The following RABGAP1L variants were observed in gnomAD, a reference collection of about 807,000 sequenced individuals.
RABGAP1L encodes rab GTPase-activating protein 1-like.
RABGAP1L carries 63 observed loss-of-function variants against 137.7 expected under a neutral mutation model. The observed-to-expected ratio is 0.46, with a 90% confidence interval of 0.37 to 0.56. The LOEUF is 0.56. RABGAP1L is among the 20% of genes least tolerant of loss of function. The probability of loss-of-function intolerance (pLI) is 0.00; values close to 1 mark genes in which losing one functional copy is unlikely to be tolerated. For synonymous variants in RABGAP1L, 431 were observed against 433.7 expected, an observed-to-expected ratio of 0.99 and a Z score of 0.08; for missense variants, 1,095 against 1,244.0, an observed-to-expected ratio of 0.88 and a Z score of 1.80.
At position 174,385,184 on chromosome 1, in the gene RABGAP1L, G is replaced by C. The variant is rs570945136; in HGVS notation, c.1560-8811G>C. Among the ~76,000 whole-genome samples the C allele has an allele frequency of 2.2e-3, 334 of 152,310 alleles. 1 individual carries two copies. The highest frequency in any genetic ancestry group is 4.2e-3 in the Non-Finnish European group (283 of 68,020). ...AGATAATTACATGTTGCACTAGGCT[G>C]GTAGCAGAGGGTGACATGTGATCGG... On this transcript the variant is annotated intron_variant, in intron 12 of 25. Transcript: ENST00000681986.
intron 11 of RABGAP1L, among the ~76,000 whole-genome samples, chr1:174,334,762 T>C (rs1681327636): frequency 6.6e-6 from 1 of 152,128 alleles, no homozygotes; most frequent in Non-Finnish European, 1.5e-5. Flanking sequence ...GCTCAGTAAA[T>C]AGTATGAATA....
intron 13 of RABGAP1L, among the ~76,000 whole-genome samples, chr1:174,550,858 AT>A (rs1188708729): frequency 1.0e-4 from 1 of 9,574 alleles, no homozygotes; most frequent in Non-Finnish European, 1.9e-4. Flanking sequence ...TCTCTGCTAA[AT>A]ATATATATAT....
chr1:174,758,625 C>G (rs1347916602), intron 18 of RABGAP1L, among the ~76,000 whole-genome samples: 1 of 152,034 alleles, frequency 6.6e-6, no homozygotes, highest in Non-Finnish European at 1.5e-5. Context: ...TTATTTCATT[C>G]TTTTTTATGG....
At chr1:174,419,737 C>A (rs1201114508) in intron 13 of RABGAP1L, among the ~76,000 whole-genome samples, 1 of 152,048 alleles carries the variant, frequency 6.6e-6, no homozygotes, top group African/African-American at 2.4e-5. Flanking sequence ...GTTATTTTTT[C>A]TTAATTTATG....
At chr1:174,756,544 A>G (rs1473906389) in intron 18 of RABGAP1L, among the ~76,000 whole-genome samples, 1 of 152,012 alleles carries the variant, frequency 6.6e-6, no homozygotes, top group Non-Finnish European at 1.5e-5. Flanking sequence ...CCAAAAAAGG[A>G]GCCAAATGGT....
At chr1:174,802,311 A>G (rs75061682) in intron 18 of RABGAP1L, among the ~76,000 whole-genome samples, 31 of 152,294 alleles carry the variant, frequency 2.0e-4, no homozygotes, top group Admixed American at 1.0e-3. Context: ...ATTATGTGTG[A>G]AAAGCATATG....
At chr1:174,429,261 A>T (rs1054715864) in intron 13 of RABGAP1L, among the ~76,000 whole-genome samples, 1 of 152,228 alleles carries the variant, frequency 6.6e-6, no homozygotes, top group Non-Finnish European at 1.5e-5. Context: ...TTCACTGGAT[A>T]AGATAGTTAA....
chr1:174,249,930 A>G (rs1424430020), intron 5 of RABGAP1L, among the ~76,000 whole-genome samples: 2 of 152,054 alleles, frequency 1.3e-5, no homozygotes, highest in Non-Finnish European at 2.9e-5. Flanking sequence ...GCATGGAGCC[A>G]CTGTGCCCGG....
chr1:174,386,588 A>G (rs1376086224), intron 12 of RABGAP1L, among the ~76,000 whole-genome samples: 3 of 151,270 alleles, frequency 2.0e-5, no homozygotes, highest in Non-Finnish European at 4.4e-5. Flanking sequence ...GCTCACTGCA[A>G]CCTCCACCTC....
intron 22 of RABGAP1L, among the ~76,000 whole-genome samples, chr1:174,978,534 T>A (rs1409954601): frequency 6.6e-6 from 1 of 152,338 alleles, no homozygotes; most frequent in Admixed American, 6.5e-5. Flanking sequence ...GATACTTATT[T>A]AGCAATATGT....
chr1:174,376,177 GGAAA>G (rs776946500), intron 12 of RABGAP1L, among the ~76,000 whole-genome samples: 8 of 135,586 alleles, frequency 5.9e-5, no homozygotes, highest in Admixed American at 1.6e-4. Flanking sequence ...AAAGAAAGAA[GGAAA>G]GAAAGTGAAG....
Position 174,161,066 on chromosome 1 carries a change from G to A in RABGAP1L, c.-34+1409G>A, listed in dbSNP as rs186645383. The stretch of plus-strand genomic sequence containing the variant: ...GTATTAAATGTACACCTGCCTGAGG[G>A]GTTAGCTCTAGACTTTGAGTTAGAC... On this transcript the variant is annotated intron_variant, in intron 1 of 25. Coordinates refer to ENST00000681986, the MANE Select transcript of RABGAP1L (RefSeq NM_001366446.1). 1.3e-3 allele frequency among the ~76,000 whole-genome samples: 201 copies of A among 152,102 alleles called. 1 individual carries two copies. The highest frequency in any genetic ancestry group is 4.5e-3 in the African/African-American group (188 of 41,484).
intron 8 of RABGAP1L, among the ~76,000 whole-genome samples, chr1:174,274,550 A>G (rs1674809461): frequency 6.6e-6 from 1 of 151,946 alleles, no homozygotes; most frequent in Non-Finnish European, 1.5e-5. Flanking sequence ...GCATAAAGAA[A>G]TCACTTAATG....
intron 13 of RABGAP1L, among the ~76,000 whole-genome samples, chr1:174,560,394 G>C (rs1358927834): frequency 1.3e-5 from 2 of 152,078 alleles, no homozygotes; most frequent in Non-Finnish European, 2.9e-5. Context: ...TATGAGTTAA[G>C]AATTTAAGAA....
chr1:174,836,616 T>C (rs1364836536), intron 19 of RABGAP1L, among the ~76,000 whole-genome samples: 1 of 152,232 alleles, frequency 6.6e-6, no homozygotes, highest in African/African-American at 2.4e-5. Flanking sequence ...GTATGCAAAG[T>C]GTGACATATC....
chr1:174,752,364 T>C lies in RABGAP1L; in HGVS notation c.2211+10T>C. 1.3e-6 allele frequency: 2 copies of C among 1,552,386 alleles called. No homozygotes were observed. The highest frequency in any genetic ancestry group is 1.8e-6 in the Non-Finnish European group (2 of 1,138,398). On this transcript the variant is annotated intron_variant, in intron 18 of 25. Transcript: ENST00000681986. The stretch of plus-strand genomic sequence containing the variant: ...TTTGGCTCTCCTAAAGGTAAGTCTT[T>C]TTTTTAATCTTAAGTTACCACATTC...
intron 14 of RABGAP1L, among the ~76,000 whole-genome samples, chr1:174,665,380 C>CTTTCCTTTCTTTCTTTCTTTTCT (rs1224836622): frequency 6.6e-6 from 1 of 150,890 alleles, no homozygotes; most frequent in Non-Finnish European, 1.5e-5. Flanking sequence ...TTTTCTTTTC[C>CTTTCCTTTCTTTCTTTCTTTTCT]TTTCCTTTCT....
chr1:174,728,597 T>C (rs1682196465), intron 17 of RABGAP1L, among the ~76,000 whole-genome samples: 1 of 146,008 alleles, frequency 6.8e-6, no homozygotes, highest in Non-Finnish European at 1.5e-5. Flanking sequence ...CCAGTGTCTT[T>C]TTTTTTTTTT....
chr1:174,337,578 A>G lies in RABGAP1L; in HGVS notation c.1465+32451A>G, dbSNP rs372033028. 3.9e-5 allele frequency among the ~76,000 whole-genome samples: 6 copies of G among 152,338 alleles called. No individual in the cohort carries two copies. The East Asian group carries it at 1.2e-3, about 29-fold the overall frequency. ...ATGAGCAAAGATTTTCGTGAGGAAG[A>G]TTAAGCTGGAAGTAAGCTTTGTAAA... On this transcript the variant is annotated intron_variant, in intron 11 of 25. Coordinates refer to ENST00000681986, the MANE Select transcript of RABGAP1L (RefSeq NM_001366446.1).
Sources: allele counts gnomAD v4.1 joint callset (sites outside exome capture counted in the v4.1 genomes callset), GRCh38; gene constraint gnomAD v4.1.1; transcripts MANE v1.5; gene names NCBI Gene and HGNC (gene_info 2026-07-23, HGNC 2026-07-21).